Variants in DEGS2 observed in about 807,000 individuals in gnomAD.
The protein encoded by DEGS2 is delta 4-desaturase, sphingolipid 2.
DEGS2 carries 19 observed loss-of-function variants against 23.8 expected under a neutral mutation model. That is an observed-to-expected ratio of 0.80 (90% confidence interval 0.56 to 1.17). DEGS2 has a LOEUF of 1.17. Among genes scored for constraint, DEGS2 ranks in the 50% most tolerant of loss-of-function variants. DEGS2 has a pLI of 0.00. For missense variants in DEGS2, 390 were observed against 459.5 expected (o/e 0.85, Z 1.38); for synonymous variants, 218 against 213.7 (o/e 1.02, Z -0.18).
intron 1 of DEGS2, among the ~76,000 whole-genome samples, chr14:100,150,111 G>A (rs1026624226): frequency 3.3e-5 from 5 of 152,206 alleles, no homozygotes; most frequent in Admixed American, 6.5e-5. Context: ...CCCAGCGCCC[G>A]CAGCAAAGTG....
At chr14:100,148,772 C>T (rs1192511834) in intron 2 of DEGS2, among the ~76,000 whole-genome samples, 196 bp downstream of exon 2, 1 of 152,260 alleles carries the variant, frequency 6.6e-6, no homozygotes, top group African/African-American at 2.4e-5. Flanking sequence ...GAATTTGCTT[C>T]AGCCTCCAGC....
chr14:100,166,147 T>G, the DEGS2 span, among the ~76,000 whole-genome samples: 2 of 19,322 alleles, frequency 1.0e-4, no homozygotes, highest in African/African-American at 1.6e-4. Context: ...TCTCGGGGAG[T>G]GGGGGGAGCC....
Position 100,149,282 on chromosome 14 carries a change from A to T in DEGS2, c.511T>A (p.Ser171Thr). 2 of 1,612,790 alleles carry T rather than the reference A, an allele frequency of 1.2e-6. No individual in the cohort carries two copies. Among genetic ancestry groups the T allele is most frequent in the East Asian group, 2.2e-5 (1 of 44,866 alleles). Residue 171 changes from serine to threonine, a missense_variant, in exon 2 of 3, where the codon TCA becomes ACA. Transcript: ENST00000305631. ...LWLVLQPFFY[S>T]LRPLCVHPKA... ...GGGTGGACGCAGAGCGGCCGTAGTG[A>T]GTAGAAGAAGGGCTGCAGCACCAGC...
In DEGS2 at chr14:100,145,392, T is replaced by C. The variant is rs755432078; in HGVS notation, c.*1369A>G. 6.6e-6 allele frequency: 1 copy of C among 152,290 alleles called. No homozygotes were observed. The highest frequency in any genetic ancestry group is 6.5e-5 in the Admixed American group (1 of 15,280). 9.4% of individuals were successfully genotyped at this position (152,290 alleles called of 1,614,324 possible). Reference sequence around the variant, plus strand: ...AGCACTTCCTTTGCAGAACAAGTCCTGGGCTCAGGCCTCTTCCCTGCGCCA... The same window carrying C: ...AGCACTTCCTTTGCAGAACAAGTCCCGGGCTCAGGCCTCTTCCCTGCGCCA... On this transcript the variant is annotated 3_prime_UTR_variant, in exon 3 of 3. Coordinates refer to ENST00000305631, the MANE Select transcript of DEGS2 (RefSeq NM_206918.3).
intron 2 of DEGS2, among the ~76,000 whole-genome samples, chr14:100,147,485 C>T (rs2140418710): frequency 6.6e-6 from 1 of 152,256 alleles, no homozygotes; most frequent in Non-Finnish European, 1.5e-5. Context: ...GTTCCAAGGG[C>T]CTCTTGAGCA....
the DEGS2 span, among the ~76,000 whole-genome samples, chr14:100,164,654 A>G: frequency 2.6e-5 from 4 of 152,164 alleles, no homozygotes; most frequent in African/African-American, 7.2e-5. Context: ...TAATAATAAT[A>G]ATAGTAATAA....
At chr14:100,151,176 G>A (rs376267600) in intron 1 of DEGS2, among the ~76,000 whole-genome samples, 3 of 152,256 alleles carry the variant, frequency 2.0e-5, no homozygotes, top group South Asian at 2.1e-4. Context: ...CTCTATGCCC[G>A]TCAGGCTGTG....
chr14:100,145,613 A>G lies in DEGS2; in HGVS notation c.*1148T>C, dbSNP rs4905935. The G allele has an allele frequency of 0.85, 128,903 of 152,002 alleles. 55,060 individuals carry two copies. Among genetic ancestry groups the G allele is most frequent in the Non-Finnish European group, 0.89 (60,138 of 67,946 alleles). The allele number at this position is 152,002 out of a possible 1,614,324, so 9.4% of individuals were successfully genotyped here. ...AGGCTGAGGCCGCCTTCCCCAAGGC[A>G]GTGGTGGGAGCTGCATCCACTGCTG... On this transcript the variant is annotated 3_prime_UTR_variant, in exon 3 of 3. Coordinates refer to ENST00000305631, the MANE Select transcript of DEGS2 (RefSeq NM_206918.3).
At chr14:100,162,347 CAAAAATAAATAAAT>C (rs1889759027), upstream of DEGS2, among the ~76,000 whole-genome samples, 1 of 150,436 alleles carries the variant, frequency 6.6e-6, no homozygotes. Flanking sequence ...GACTCCGTCT[CAAAAATAAATAAAT>C]AAAAATAAAT....
chr14:100,154,847 C>G (rs1889633171), intron 1 of DEGS2, among the ~76,000 whole-genome samples: 1 of 152,184 alleles, frequency 6.6e-6, no homozygotes, highest in African/African-American at 2.4e-5. Flanking sequence ...GAGACAGGGC[C>G]CCCCCACGCC....
upstream of DEGS2, chr14:100,159,763 CG>C (rs1889722385): frequency 2.9e-6 from 1 of 345,720 alleles, no homozygotes; most frequent in Non-Finnish European, 5.2e-6. Context: ...GGCCGGGCCC[CG>C]GCGCTCTCCA....
intron 2 of DEGS2, among the ~76,000 whole-genome samples, chr14:100,148,355 G>A (rs746114191): frequency 3.3e-4 from 50 of 152,316 alleles, no homozygotes; most frequent in Non-Finnish European, 4.3e-4. Flanking sequence ...CTTTGCCACA[G>A]GTAACTCCAG....
rs576979017 is a variant in DEGS2 at position 100,147,041 on chromosome 14, A to G, written c.826-134T>C. The stretch of plus-strand genomic sequence containing the variant: ...TGTACGAACATGTTTGCGCGCGCGC[A>G]CACCCACACACACACATGGGTGTAC... On this transcript the variant is annotated intron_variant, in intron 2 of 2. Coordinates refer to ENST00000305631, the MANE Select transcript of DEGS2 (RefSeq NM_206918.3). 6.1e-6 allele frequency: 6 copies of G among 983,416 alleles called. No homozygotes were observed. In the East Asian group the frequency reaches 1.0e-4, roughly 17 times the overall value. The allele number at this position is 983,416 out of a possible 1,614,324, so 60.9% of individuals were successfully genotyped here. A position where few individuals can be genotyped will look rare whatever the true frequency, so the allele number is the denominator to read the frequency against.
chr14:100,152,254 AGGAGATGCCAGGGTGGGCGTCAT>A lies in DEGS2; in HGVS notation c.83-2567_83-2545del, dbSNP rs1303021548. 7.0e-3 allele frequency among the ~76,000 whole-genome samples: 1,059 copies of A among 151,964 alleles called. 12 individuals carry two copies. Among genetic ancestry groups the A allele is most frequent in the African/African-American group, 0.024 (997 of 41,370 alleles). On this transcript the variant is annotated intron_variant, in intron 1 of 2. Coordinates refer to ENST00000305631, the MANE Select transcript of DEGS2 (RefSeq NM_206918.3). ...GGCACCAGAGGACGGCAGGATGGGA[AGGAGATGCCAGGGTGGGCGTCAT>A]GGAGATGCCAGGGTGGGCGTCATGG...
At chr14:100,163,493 C>T (rs559589662), upstream of DEGS2, among the ~76,000 whole-genome samples, 108 of 152,186 alleles carry the variant, frequency 7.1e-4, no homozygotes, top group Non-Finnish European at 1.1e-3. Context: ...TCTATTGAAA[C>T]GGAGCCCGTG....
At chr14:100,152,281 G>A (rs1185602570) in intron 1 of DEGS2, among the ~76,000 whole-genome samples, 1 of 152,096 alleles carries the variant, frequency 6.6e-6, no homozygotes, top group Non-Finnish European at 1.5e-5. Context: ...GCGTCATGGA[G>A]ATGCCAGGGT....
At chr14:100,156,771 C>G (rs1008787390) in intron 1 of DEGS2, among the ~76,000 whole-genome samples, 1 of 152,168 alleles carries the variant, frequency 6.6e-6, no homozygotes, top group Non-Finnish European at 1.5e-5. Context: ...CTGAACTGAG[C>G]GAGCAAGGCT....
At chr14:100,163,863 G>A (rs1304419299), upstream of DEGS2, among the ~76,000 whole-genome samples, 2 of 152,040 alleles carry the variant, frequency 1.3e-5, no homozygotes, top group African/African-American at 4.8e-5. Context: ...GGGACTATAG[G>A]TGCGCCCACC....
chr14:100,149,706 C>T lies in DEGS2; in HGVS notation c.87G>A (p.Lys29=). ...GCATCAGGGCCTTGATGGCCGGGTA[C>T]TTGGCTGCAAGGAAGACAGGGAGGT... ...HTQRRKEILA[K]YPAIKALMRP... The change falls in exon 2 of 3, where the codon AAG becomes AAA. Residue 29 remains lysine (K), a synonymous_variant. Coordinates refer to ENST00000305631, the MANE Select transcript of DEGS2 (RefSeq NM_206918.3). 6.3e-7 allele frequency: 1 copy of T among 1,596,916 alleles called. No individual in the cohort carries two copies. The highest frequency in any genetic ancestry group is 8.5e-7 in the Non-Finnish European group (1 of 1,170,864).
Sources: allele counts gnomAD v4.1 joint callset (sites outside exome capture counted in the v4.1 genomes callset), GRCh38; gene constraint gnomAD v4.1.1; transcripts MANE v1.5; gene names NCBI Gene and HGNC (gene_info 2026-07-23, HGNC 2026-07-21).